Variants in NOTCH2NLR observed in about 807,000 individuals in gnomAD.
The protein encoded by NOTCH2NLR is notch 2 N-terminal like R.
A neutral mutation model predicts 35.6 loss-of-function variants in NOTCH2NLR; 33 were observed. The ratio of observed to expected loss-of-function variants is 0.93; its 90% CI spans 0.70 to 1.24. NOTCH2NLR has a LOEUF of 1.24. Ranked by LOEUF, NOTCH2NLR falls within the 50% of genes most tolerant of loss-of-function variation. The pLI is 0.00. For missense variants in NOTCH2NLR, 276 were observed against 362.2 expected (o/e 0.76, Z 1.93); for synonymous variants, 103 against 141.0 (o/e 0.73, Z 1.91).
intron 3 of NOTCH2NLR, among the ~76,000 whole-genome samples, chr1:120,791,700 G>C (rs1193306707): frequency 2.0e-5 from 1 of 50,082 alleles, no homozygotes; most frequent in Admixed American, 1.9e-4. Context: ...TAATGTAAAT[G>C]ACGAGTTAAT....
chr1:120,790,535 C>CCTTCCTTT lies in NOTCH2NLR; in HGVS notation c.416-2623_416-2622insCCTTTCTT, dbSNP rs1256273353. ...TTGATTCTTTCTTTCTTTCTCCCTC[C>CCTTCCTTT]CTTTCTTTCTTTCTTTCTTTCTTTC... On this transcript the variant is annotated intron_variant, in intron 3 of 4. Transcript: ENST00000624419. Among the ~76,000 whole-genome samples the CCTTCCTTT allele has an allele frequency of 9.9e-4, 76 of 76,714 alleles. 8 individuals are homozygous for CCTTCCTTT. In the East Asian group the frequency reaches 0.022, roughly 22 times the overall value. The allele number at this position is 76,714 out of a possible 152,430, so 50.3% of individuals were successfully genotyped here. A position where few individuals can be genotyped will look rare whatever the true frequency, so the allele number is the denominator to read the frequency against.
chr1:120,783,702 G>T (rs1191556156), intron 2 of NOTCH2NLR, among the ~76,000 whole-genome samples: 1 of 117,170 alleles, frequency 8.5e-6, no homozygotes, highest in Admixed American at 8.2e-5. Context: ...AGTAACAAAT[G>T]CATTTGAGAG....
intron 1 of NOTCH2NLR, among the ~76,000 whole-genome samples, chr1:120,759,108 C>T (rs1258724067): frequency 4.0e-5 from 3 of 75,756 alleles, no homozygotes; most frequent in South Asian, 3.8e-4. Context: ...TTGTGCCTGC[C>T]GATAGTAGAT....
intron 1 of NOTCH2NLR, among the ~76,000 whole-genome samples, chr1:120,724,818 A>C (rs1373322795): frequency 4.3e-5 from 4 of 93,404 alleles, no homozygotes; most frequent in Admixed American, 1.0e-4. Flanking sequence ...AACCCCACCG[A>C]AAGTCCGGGG....
chr1:120,785,010 T>C lies in NOTCH2NLR; in HGVS notation c.192T>C (p.His64=), dbSNP rs1651405208. ...GCTTCTTGGGGGAATATTGTCAACA[T>C]CGAGACCCCTGTGAGAAGAACCGCT... The change falls in exon 3 of 5, where the codon CAT becomes CAC. Residue 64 remains histidine, a synonymous_variant. Coordinates refer to ENST00000624419, the Ensembl canonical transcript of NOTCH2NLR. 1.7e-5 allele frequency: 24 copies of C among 1,422,466 alleles called. 5 individuals carry two copies. The highest frequency in any genetic ancestry group is 2.3e-5 in the East Asian group (1 of 42,686). 88.1% of individuals were successfully genotyped at this position (1,422,466 alleles called of 1,614,324 possible). A position where few individuals can be genotyped will look rare whatever the true frequency, so the allele number is the denominator to read the frequency against.
rs1235140869 is a variant in NOTCH2NLR, at chr1:120,724,486, A to T, written c.73+236A>T. ...CTCCCCGCGGCCCGGGACCCCTCAC[A>T]CGCCTCCTCGGCAGGAGGGAGGCCG... On this transcript the variant is annotated intron_variant, in intron 1 of 4. Coordinates refer to ENST00000624419, the Ensembl canonical transcript of NOTCH2NLR. 4.1e-5 allele frequency among the ~76,000 whole-genome samples: 5 copies of T among 120,798 alleles called. 2 individuals are homozygous for T. The highest frequency in any genetic ancestry group is 7.7e-5 in the Admixed American group (1 of 12,962). The allele number at this position is 120,798 out of a possible 152,430, so 79.2% of individuals were successfully genotyped here.
intron 3 of NOTCH2NLR, among the ~76,000 whole-genome samples, chr1:120,790,244 G>A (rs1392234372): frequency 9.4e-6 from 1 of 106,726 alleles, no homozygotes; most frequent in Non-Finnish European, 1.7e-5. Flanking sequence ...TGGATCGCCT[G>A]ACCTCATGAT....
intron 2 of NOTCH2NLR, among the ~76,000 whole-genome samples, chr1:120,765,822 C>T (rs1193357417): frequency 7.9e-6 from 1 of 126,690 alleles, no homozygotes; most frequent in Non-Finnish European, 1.6e-5. Flanking sequence ...GAGTTCATGT[C>T]CTTTGCAGGG....
In NOTCH2NLR at chr1:120,789,935, T is replaced by C. The variant is rs1265043407; in HGVS notation, c.416-3226T>C. ...TCATAATTAAAATGTCACTCTGAAATGGTCCCAAATTAAAACTTCTTCCTT... is the reference window on the plus strand; with the variant it reads ...TCATAATTAAAATGTCACTCTGAAACGGTCCCAAATTAAAACTTCTTCCTT... On this transcript the variant is annotated intron_variant, in intron 3 of 4. Coordinates refer to ENST00000624419, the Ensembl canonical transcript of NOTCH2NLR. 4.6e-4 allele frequency among the ~76,000 whole-genome samples: 37 copies of C among 79,582 alleles called. 6 individuals are homozygous for C. The highest frequency in any genetic ancestry group is 4.5e-3 in the Admixed American group (37 of 8,152). The allele number at this position is 79,582 out of a possible 152,430, so 52.2% of individuals were successfully genotyped here.
Position 120,781,720 on chromosome 1 carries a change from C to T in NOTCH2NLR, c.156-3254C>T, listed in dbSNP as rs1364648524. Reference sequence around the variant, plus strand: ...CTGGGACTACAGGCGCCTGCCACCACGCCTGGCTAATTTTTTATATTTTTA... The same window carrying T: ...CTGGGACTACAGGCGCCTGCCACCATGCCTGGCTAATTTTTTATATTTTTA... On this transcript the variant is annotated intron_variant, in intron 2 of 4. Transcript: ENST00000624419. 6.8e-5 allele frequency among the ~76,000 whole-genome samples: 7 copies of T among 103,266 alleles called. 1 individual carries two copies. The highest frequency in any genetic ancestry group is 5.6e-4 in the South Asian group (2 of 3,570). The allele number at this position is 103,266 out of a possible 152,430, so 67.7% of individuals were successfully genotyped here. A position where few individuals can be genotyped will look rare whatever the true frequency, so the allele number is the denominator to read the frequency against.
chr1:120,784,994 G>C, exon 3 of NOTCH2NLR: 1 of 1,421,492 alleles, frequency 7.0e-7, no homozygotes, highest in Non-Finnish European at 9.4e-7. Context: ...GGCTTCTTGG[G>C]GGAATATTGT....
rs1293353569 is a variant in NOTCH2NLR, at chr1:120,780,043, G to A, written c.156-4931G>A. ...GTTATTCTACCAGGCAGATCACAGA[G>A]TAGAGATGGATTTTGTGGAACATTT... On this transcript the variant is annotated intron_variant, in intron 2 of 4. Coordinates refer to ENST00000624419, the Ensembl canonical transcript of NOTCH2NLR. 3.8e-3 allele frequency among the ~76,000 whole-genome samples: 498 copies of A among 129,614 alleles called. 10 individuals are homozygous for A. Among genetic ancestry groups the A allele is most frequent in the Middle Eastern group, 0.011 (3 of 270 alleles). 85.0% of individuals were successfully genotyped at this position (129,614 alleles called of 152,430 possible). A position where few individuals can be genotyped will look rare whatever the true frequency, so the allele number is the denominator to read the frequency against.
rs1651475888 is a variant in NOTCH2NLR, at chr1:120,790,535, C to CCTCT, written c.416-2624_416-2623insCTCT. On this transcript the variant is annotated intron_variant, in intron 3 of 4. Coordinates refer to ENST00000624419, the Ensembl canonical transcript of NOTCH2NLR. ...TTGATTCTTTCTTTCTTTCTCCCTC[C>CCTCT]CTTTCTTTCTTTCTTTCTTTCTTTC... 3.9e-5 allele frequency among the ~76,000 whole-genome samples: 3 copies of CCTCT among 76,630 alleles called. 1 individual carries two copies. Among genetic ancestry groups the CCTCT allele is most frequent in the Non-Finnish European group, 6.9e-5 (3 of 43,642 alleles). 50.3% of individuals were successfully genotyped at this position (76,630 alleles called of 152,430 possible). A position where few individuals can be genotyped will look rare whatever the true frequency, so the allele number is the denominator to read the frequency against.
At chr1:120,765,742 G>A (rs1454505874) in intron 2 of NOTCH2NLR, among the ~76,000 whole-genome samples, 7 of 120,618 alleles carry the variant, frequency 5.8e-5, no homozygotes, top group African/African-American at 1.9e-4. Context: ...AATGCCCAAC[G>A]GTGATAGACT....
At chr1:120,761,231 C>T (rs1651133805) in intron 1 of NOTCH2NLR, among the ~76,000 whole-genome samples, 1 of 121,452 alleles carries the variant, frequency 8.2e-6, no homozygotes, top group Non-Finnish European at 1.7e-5. Context: ...TAGGAACAGG[C>T]CGTGATTTTT....
chr1:120,768,220 G>A (rs1313449783), intron 2 of NOTCH2NLR, among the ~76,000 whole-genome samples: 3 of 114,632 alleles, frequency 2.6e-5, no homozygotes, highest in Admixed American at 2.5e-4. Flanking sequence ...CCCAAGATGG[G>A]ACCCTTCTAG....
rs1201295078 is a variant in NOTCH2NLR, at chr1:120,755,656, AC to A, written c.74-7971del. Among the ~76,000 whole-genome samples, 3 of 92,378 alleles carry A rather than the reference AC, an allele frequency of 3.2e-5. No individual in the cohort carries two copies. The East Asian group carries it at 7.5e-4, about 23-fold the overall frequency. The allele number at this position is 92,378 out of a possible 152,430, so 60.6% of individuals were successfully genotyped here. A position where few individuals can be genotyped will look rare whatever the true frequency, so the allele number is the denominator to read the frequency against. On this transcript the variant is annotated intron_variant, in intron 1 of 4. Transcript: ENST00000624419. ...AAAATTATTCTAGATTTATCAGCTA[AC>A]TGGAATGATTTTTTTATAGTATGAA...
intron 2 of NOTCH2NLR, among the ~76,000 whole-genome samples, chr1:120,778,595 G>C (rs1465091625): frequency 3.6e-5 from 1 of 28,042 alleles, no homozygotes; most frequent in Non-Finnish European, 5.6e-5. Context: ...TTTTTGAATG[G>C]CCAAATCCTC....
intron 1 of NOTCH2NLR, among the ~76,000 whole-genome samples, chr1:120,734,329 G>T (rs1650892671): frequency 2.6e-5 from 1 of 38,448 alleles, no homozygotes; most frequent in Non-Finnish European, 4.3e-5. Flanking sequence ...ACCATATTTA[G>T]CATGAAGAGA....
Sources: gnomAD v4.1 joint callset for allele counts (sites outside exome capture counted in the v4.1 genomes callset) on GRCh38, gnomAD v4.1.1 for gene constraint, MANE v1.5 for transcripts, NCBI Gene and HGNC (gene_info 2026-07-23, HGNC 2026-07-21) for gene names.